The following RASA3 variants were observed in gnomAD, a reference collection of about 807,000 sequenced individuals.
RASA3 encodes ras GTPase-activating protein 3.
Under a neutral mutation model 110.0 loss-of-function variants are expected in RASA3, and 73 were observed. The ratio of observed to expected loss-of-function variants is 0.66; its 90% CI spans 0.55 to 0.81. The LOEUF (loss-of-function observed/expected upper bound fraction) is 0.81. Ranked by LOEUF, RASA3 falls within the 30% of genes least tolerant of loss-of-function variation. The pLI, the probability that RASA3 is intolerant of heterozygous loss-of-function variation, is 0.00. For missense variants in RASA3, 976 were observed against 1,113.2 expected, an observed-to-expected ratio of 0.88 and a Z score of 1.75; for synonymous variants, 500 against 451.4, an observed-to-expected ratio of 1.11 and a Z score of -1.37.
chr13:114,020,707 A>AG (rs1435222864), intron 9 of RASA3, among the ~76,000 whole-genome samples: 2 of 152,236 alleles, frequency 1.3e-5, no homozygotes, highest in African/African-American at 4.8e-5. Flanking sequence ...TGGAGACAAC[A>AG]GGAAAGAAAG....
At chr13:114,030,960 C>T (rs544837711) in intron 4 of RASA3, among the ~76,000 whole-genome samples, 1 of 127,864 alleles carries the variant, frequency 7.8e-6, no homozygotes, top group Admixed American at 7.9e-5. Flanking sequence ...CTGCTGTGTG[C>T]GTGTCTGCCT....
chr13:114,002,834 G>A (rs1181140090), intron 18 of RASA3, among the ~76,000 whole-genome samples: 1 of 152,212 alleles, frequency 6.6e-6, no homozygotes, highest in Admixed American at 6.5e-5. Flanking sequence ...AGGAGCCACG[G>A]CTAAGCCGGA....
At position 114,076,545 on chromosome 13, in the gene RASA3, C is replaced by T. The variant is rs564440749; in HGVS notation, c.56-2708G>A. ...CGCAGCACACGCACGCAGGCAGCACCGCACACACACGCAGCACACGCAGGC... is the reference window on the plus strand; with the variant it reads ...CGCAGCACACGCACGCAGGCAGCACTGCACACACACGCAGCACACGCAGGC... On this transcript the variant is annotated intron_variant, in intron 1 of 23. Transcript: ENST00000334062. Among the ~76,000 whole-genome samples, 100 of 151,618 alleles carry T rather than the reference C, an allele frequency of 6.6e-4. 1 individual carries two copies. The South Asian group carries it at 0.02, about 31-fold the overall frequency.
At position 114,015,151 on chromosome 13, in the gene RASA3, C is replaced by T. The variant is rs1373183261; in HGVS notation, c.1405+58G>A. 3 of 1,598,686 alleles carry T rather than the reference C, an allele frequency of 1.9e-6. No homozygotes were observed. In the East Asian group the frequency reaches 6.7e-5, roughly 36 times the overall value. On this transcript the variant is annotated intron_variant, in intron 14 of 23. Transcript: ENST00000334062. ...CGGGGGGTTCTGCCTGGGTGGGAGT[C>T]ACCCTGCACAGCGCTATGGCAGTTT... is the stretch of plus-strand genomic sequence containing the variant.
chr13:114,019,666 C>G (rs1039343308), intron 9 of RASA3, among the ~76,000 whole-genome samples: 1 of 146,662 alleles, frequency 6.8e-6, no homozygotes, highest in Non-Finnish European at 1.5e-5. Flanking sequence ...GGCATTAGAT[C>G]CCCCCTCAGA....
intron 1 of RASA3, among the ~76,000 whole-genome samples, chr13:114,092,335 G>C (rs1390609196): frequency 6.6e-6 from 1 of 152,106 alleles, no homozygotes; most frequent in Non-Finnish European, 1.5e-5. Flanking sequence ...TGCTTTTGCT[G>C]TATCCCATAG....
At chr13:114,023,663 G>C (rs1047872953) in intron 8 of RASA3, among the ~76,000 whole-genome samples, 1 of 152,214 alleles carries the variant, frequency 6.6e-6, no homozygotes. Context: ...GCCTGAGATC[G>C]CGTCCTGACC....
At chr13:114,035,057 A>C (rs1207618508) in intron 4 of RASA3, among the ~76,000 whole-genome samples, 1 of 152,124 alleles carries the variant, frequency 6.6e-6, no homozygotes, top group Non-Finnish European at 1.5e-5. Flanking sequence ...AGCTTAGAGC[A>C]GAAGGGAGAT....
intron 1 of RASA3, among the ~76,000 whole-genome samples, chr13:114,116,530 TAGA>T (rs1335726976): frequency 4.4e-5 from 5 of 114,586 alleles, no homozygotes; most frequent in Non-Finnish European, 2.1e-5. Context: ...CACGAACCCT[TAGA>T]AGAGGCAAAA....
chr13:114,004,977 A>G (rs539065831), intron 18 of RASA3, among the ~76,000 whole-genome samples: 1 of 152,354 alleles, frequency 6.6e-6, no homozygotes, highest in South Asian at 2.1e-4. Flanking sequence ...AGCAACGTGA[A>G]CGGAACTAGA....
chr13:113,979,452 G>C lies in RASA3; in HGVS notation c.2430-30C>G, dbSNP rs566067182. 3.9e-6 allele frequency: 6 copies of C among 1,532,730 alleles called. No individual in the cohort carries two copies. The East Asian group carries it at 1.4e-4, about 34-fold the overall frequency. The allele number at this position is 1,532,730 out of a possible 1,614,324, so 94.9% of individuals were successfully genotyped here. ...AAAGGGGGATGGGAGAGGGAATGAG[G>C]CACAGACCCCGTTGCCTGGTGCTCA... On this transcript the variant is annotated intron_variant, in intron 23 of 23. Transcript: ENST00000334062.
chr13:114,005,230 T>G (rs1280954983), intron 18 of RASA3, among the ~76,000 whole-genome samples: 5 of 152,180 alleles, frequency 3.3e-5, no homozygotes, highest in Non-Finnish European at 7.4e-5. Context: ...ACTGCACTTG[T>G]GCCCGACATG....
At chr13:114,061,014 G>A (rs1044834996) in intron 2 of RASA3, among the ~76,000 whole-genome samples, 4 of 151,988 alleles carry the variant, frequency 2.6e-5, no homozygotes, top group Admixed American at 6.6e-5. Context: ...GCCGGCAGAC[G>A]GAGCCCCCAC....
Position 114,115,245 on chromosome 13 carries a change from G to A in RASA3, c.55+17190C>T, listed in dbSNP as rs758914075. On this transcript the variant is annotated intron_variant, in intron 1 of 23. Coordinates refer to ENST00000334062, the MANE Select transcript of RASA3 (RefSeq NM_007368.4). The surrounding 1 kb of genome is among the most constrained non-coding windows in gnomAD (Gnocchi z 5.0). ...GTAACATGTTTACGGTCCCTGTGCCGCCGTGCGGTAGCAGTTTTCCCGAGT... is the reference window on the plus strand; with the variant it reads ...GTAACATGTTTACGGTCCCTGTGCCACCGTGCGGTAGCAGTTTTCCCGAGT... 3.9e-4 allele frequency among the ~76,000 whole-genome samples: 59 copies of A among 152,310 alleles called. No individual in the cohort carries two copies. The highest frequency in any genetic ancestry group is 7.2e-4 in the Non-Finnish European group (49 of 68,028).
At chr13:114,013,760 ATCTC>A (rs2053708892) in intron 14 of RASA3, among the ~76,000 whole-genome samples, 1 of 25,484 alleles carries the variant, frequency 3.9e-5, no homozygotes, top group East Asian at 1.4e-3. Flanking sequence ...CTCTCTCTCC[ATCTC>A]TCTGTCTCTC....
chr13:114,082,232 C>T (rs549310580), intron 1 of RASA3, among the ~76,000 whole-genome samples: 12 of 152,228 alleles, frequency 7.9e-5, no homozygotes, highest in Admixed American at 3.3e-4. Context: ...GAGACGTCCA[C>T]GTCTGAGACA....
At position 114,030,620 on chromosome 13, in the gene RASA3, C is replaced by T. The variant is rs547240807; in HGVS notation, c.373-733G>A. Among the ~76,000 whole-genome samples, 72 of 152,356 alleles carry T rather than the reference C, an allele frequency of 4.7e-4. 1 individual carries two copies. The highest frequency in any genetic ancestry group is 4.6e-3 in the South Asian group (22 of 4,830). ...GGCTGCCCTGCGGGTCCACCTGTCT[C>T]TCTAGATCAGTCTGTCTGTGTGTGC... On this transcript the variant is annotated intron_variant, in intron 4 of 23. Transcript: ENST00000334062.
intron 15 of RASA3, among the ~76,000 whole-genome samples, chr13:114,012,410 ACACACTCCCCATTCCACACGTCTTC>A (rs765034026): frequency 2.0e-5 from 3 of 146,546 alleles, no homozygotes; most frequent in African/African-American, 7.7e-5. Flanking sequence ...CACACTCCAC[ACACACTCCCCATTCCACACGTCTTC>A]CACACTCCCC....
intron 21 of RASA3, among the ~76,000 whole-genome samples, chr13:113,993,806 T>TAAA (rs35450759): frequency 0.016 from 1,407 of 85,446 alleles, 64 homozygotes; most frequent in African/African-American, 0.061. Flanking sequence ...AGACTCTGCC[T>TAAA]AAAAAAAAAA....
Sources: gnomAD v4.1 joint callset for allele counts (sites outside exome capture counted in the v4.1 genomes callset) on GRCh38, gnomAD v4.1.1 for gene constraint, Gnocchi (gnomAD v3.1) non-coding constraint, MANE v1.5 for transcripts, NCBI Gene and HGNC (gene_info 2026-07-23, HGNC 2026-07-21) for gene names.